Variants in PCDHGA4 observed in about 807,000 individuals in gnomAD.
The protein encoded by PCDHGA4 is protocadherin gamma subfamily A, 4.
A neutral mutation model predicts 54.6 loss-of-function variants in PCDHGA4; 38 were observed. That is an observed-to-expected ratio of 0.70 (90% CI 0.54 to 0.91). The LOEUF (loss-of-function observed/expected upper bound fraction) is 0.91, where lower values mean the gene tolerates loss of function less well. Among genes scored for constraint, PCDHGA4 ranks in the 40% least tolerant of loss-of-function variants. PCDHGA4 has a pLI of 0.00. For synonymous variants in PCDHGA4, 511 were observed against 512.9 expected (o/e 1.00, Z 0.05); for missense variants, 1,298 against 1,220.9 (o/e 1.06, Z -0.94).
At chr5:141,449,521 G>A (rs1238503983) in intron 1 of PCDHGA4, among the ~76,000 whole-genome samples, 4 of 150,262 alleles carry the variant, frequency 2.7e-5, no homozygotes, top group African/African-American at 9.8e-5. Flanking sequence ...CCTGGGAGGC[G>A]GAGGTTGCAG....
chr5:141,366,788 T>G, intron 1 of PCDHGA4: 1 of 1,571,338 alleles, frequency 6.4e-7, no homozygotes, highest in Non-Finnish European at 8.6e-7. Context: ...ACCAGAACAT[T>G]TTCATTTGTT....
chr5:141,372,713 A>T, intron 1 of PCDHGA4: 2 of 1,613,998 alleles, frequency 1.2e-6, no homozygotes, highest in South Asian at 2.2e-5. Flanking sequence ...TAAAGGCTGA[A>T]AATGCTGCAC....
chr5:141,389,675 A>C, intron 1 of PCDHGA4: 1 of 1,612,412 alleles, frequency 6.2e-7, no homozygotes, highest in Non-Finnish European at 8.5e-7. Flanking sequence ...CAGACTCAGG[A>C]CACAACGCCT....
At position 141,511,648 on chromosome 5, in the gene PCDHGA4, G is replaced by T. The variant is rs553080689; in HGVS notation, c.*475G>T. The T allele has an allele frequency of 1.4e-5, 3 of 214,700 alleles. No homozygotes were observed. Among genetic ancestry groups the T allele is most frequent in the East Asian group, 2.1e-4 (2 of 9,414 alleles). The allele number at this position is 214,700 out of a possible 1,614,324, so 13.3% of individuals were successfully genotyped here. A position where few individuals can be genotyped will look rare whatever the true frequency, so the allele number is the denominator to read the frequency against. On this transcript the variant is annotated 3_prime_UTR_variant, in exon 4 of 4. Coordinates refer to ENST00000571252, the MANE Select transcript of PCDHGA4 (RefSeq NM_018917.4). ...AGTTGGAAGGGCATCATGACCTCTTGGCCTCTCCTTTGATTCTCAATCTTC... is the reference window on the plus strand; with the variant it reads ...AGTTGGAAGGGCATCATGACCTCTTTGCCTCTCCTTTGATTCTCAATCTTC...
At chr5:141,389,652 G>C in intron 1 of PCDHGA4, 1 of 1,612,638 alleles carries the variant, frequency 6.2e-7, no homozygotes, top group South Asian at 1.1e-5. Context: ...GACCAAGGTA[G>C]TGGCGGTGGA....
intron 1 of PCDHGA4, among the ~76,000 whole-genome samples, chr5:141,402,680 TATA>T (rs1441272447): frequency 2.4e-4 from 36 of 152,348 alleles, no homozygotes; most frequent in African/African-American, 7.9e-4. Context: ...AGCCATCTGA[TATA>T]ATGTTACACA....
chr5:141,442,298 G>A (rs934210433), intron 1 of PCDHGA4: 2 of 152,564 alleles, frequency 1.3e-5, no homozygotes, highest in African/African-American at 4.8e-5. Flanking sequence ...TCCTGTCTGA[G>A]TCTTTCCCAC....
Position 141,356,462 on chromosome 5 carries a change from C to T in PCDHGA4, c.1355C>T (p.Thr452Ile). The T allele has an allele frequency of 6.2e-7, 1 of 1,613,660 alleles. No individual in the cohort carries two copies. Among genetic ancestry groups the T allele is most frequent in the Non-Finnish European group, 8.5e-7 (1 of 1,179,710 alleles). Residue 452 changes from threonine (T) to isoleucine (I), a missense_variant, in exon 1 of 4, where the codon ACT (threonine) becomes ATT (isoleucine). Coordinates refer to ENST00000571252, the MANE Select transcript of PCDHGA4 (RefSeq NM_018917.4). ...DREEVSEYNI[T>I]VTATDQGTPP... Reference sequence around the variant, plus strand: ...GAAGAAGTCTCAGAATATAACATCACTGTAACTGCCACTGACCAGGGAACT... The same window carrying T: ...GAAGAAGTCTCAGAATATAACATCATTGTAACTGCCACTGACCAGGGAACT...
intron 1 of PCDHGA4, among the ~76,000 whole-genome samples, chr5:141,386,310 A>G (rs891781671): frequency 6.6e-6 from 1 of 152,216 alleles, no homozygotes; most frequent in African/African-American, 2.4e-5. Flanking sequence ...AGCTCAGTAT[A>G]TCAAGTGATT....
intron 1 of PCDHGA4, chr5:141,478,393 G>A (rs2099452978): frequency 6.2e-7 from 1 of 1,613,488 alleles, no homozygotes; most frequent in South Asian, 1.1e-5. Flanking sequence ...TTTACCATCA[G>A]GTGTATCTCA....
At chr5:141,501,716 A>G (rs2099810687) in intron 2 of PCDHGA4, among the ~76,000 whole-genome samples, 1 of 152,160 alleles carries the variant, frequency 6.6e-6, no homozygotes, top group African/African-American at 2.4e-5. Flanking sequence ...TAAAAAAGAC[A>G]AATATATTAC....
At position 141,395,103 on chromosome 5, in the gene PCDHGA4, C is replaced by T. The variant is rs1462569715; in HGVS notation, c.2514+37482C>T. 9 of 1,614,156 alleles carry T rather than the reference C, an allele frequency of 5.6e-6. No homozygotes were observed. The highest frequency in any genetic ancestry group is 1.1e-5 in the South Asian group (1 of 91,074). On this transcript the variant is annotated intron_variant, in intron 1 of 3. Transcript: ENST00000571252. ...GGAAGTCTCCCTCACCGCCGACTCG[C>T]GGAAGAGTCACCTGATCTTTCCCCA... is the stretch of plus-strand genomic sequence containing the variant.
chr5:141,370,464 T>C (rs1766931580), intron 1 of PCDHGA4: 1 of 1,613,018 alleles, frequency 6.2e-7, no homozygotes, highest in Middle Eastern at 1.7e-4. Context: ...CCTGCTCTCT[T>C]TGTTAGACCA....
intron 1 of PCDHGA4, chr5:141,409,850 G>T (rs1301108879): frequency 6.2e-7 from 1 of 1,612,142 alleles, no homozygotes; most frequent in South Asian, 1.1e-5. Context: ...GAGCCTGCGC[G>T]TGTTGGTGGG....
chr5:141,446,088 T>C (rs2098487177), intron 1 of PCDHGA4, among the ~76,000 whole-genome samples: 1 of 152,100 alleles, frequency 6.6e-6, no homozygotes, highest in African/African-American at 2.4e-5. Flanking sequence ...TAGAAATAAA[T>C]GGATGAATTA....
intron 1 of PCDHGA4, among the ~76,000 whole-genome samples, chr5:141,450,233 G>A (rs2098674391): frequency 6.6e-6 from 1 of 152,026 alleles, no homozygotes; most frequent in Non-Finnish European, 1.5e-5. Flanking sequence ...GGCCAGGCTA[G>A]TCTTGAACTC....
At chr5:141,389,887 A>G (rs1473090410) in intron 1 of PCDHGA4, 2 of 1,613,940 alleles carry the variant, frequency 1.2e-6, no homozygotes, top group East Asian at 2.2e-5. Context: ...AGCTTGCAGG[A>G]GGTGCTGCCG....
intron 1 of PCDHGA4, chr5:141,393,938 C>G (rs537803893): frequency 9.3e-6 from 15 of 1,613,818 alleles, no homozygotes; most frequent in Non-Finnish European, 1.3e-5. Context: ...ATGACCAAGA[C>G]TCTGGAAAGA....
At chr5:141,421,967 T>C (rs760789458) in intron 1 of PCDHGA4, 2 of 1,611,174 alleles carry the variant, frequency 1.2e-6, no homozygotes, top group Admixed American at 3.4e-5. Flanking sequence ...ACACAGTCCG[T>C]ATATCGCGTG....
Sources: gnomAD v4.1 joint callset for allele counts (sites outside exome capture counted in the v4.1 genomes callset) on GRCh38, gnomAD v4.1.1 for gene constraint, MANE v1.5 for transcripts, NCBI Gene and HGNC (gene_info 2026-07-23, HGNC 2026-07-21) for gene names.